ELAPOR2: variants seen among roughly 807,000 people sequenced by gnomAD.
The protein encoded by ELAPOR2 is endosome/lysosome-associated apoptosis and autophagy regulator family member 2.
A neutral mutation model predicts 120.7 loss-of-function variants in ELAPOR2; 89 were observed. The ratio of observed to expected loss-of-function variants is 0.74; its 90% CI spans 0.62 to 0.88. The LOEUF is 0.88. Ranked by LOEUF, ELAPOR2 falls within the 40% of genes least tolerant of loss-of-function variation. The probability of loss-of-function intolerance (pLI) is 0.00; values close to 1 mark genes in which losing one functional copy is unlikely to be tolerated. For missense variants in ELAPOR2, 1,134 were observed against 1,251.6 expected (o/e 0.91, Z 1.42); for synonymous variants, 444 against 444.9 (o/e 1.00, Z 0.03).
intron 1 of ELAPOR2, among the ~76,000 whole-genome samples, chr7:87,058,142 G>GT (rs538374673): frequency 9.3e-4 from 141 of 152,166 alleles, no homozygotes; most frequent in Non-Finnish European, 1.8e-3. Context: ...TTTCATTTCA[G>GT]TCTGTCCTGG....
intron 1 of ELAPOR2, among the ~76,000 whole-genome samples, chr7:86,985,998 T>C (rs1583951642): frequency 1.3e-5 from 2 of 152,126 alleles, no homozygotes; most frequent in Non-Finnish European, 2.9e-5. Flanking sequence ...GGAAAACTGG[T>C]GCAAGACAGG....
Position 86,942,051 on chromosome 7 carries a change from T to C in ELAPOR2, c.708A>G (p.Lys236=). 1 of 1,549,454 alleles carries C rather than the reference T, an allele frequency of 6.5e-7. No homozygotes were observed. Among genetic ancestry groups the C allele is most frequent in the Non-Finnish European group, 8.7e-7 (1 of 1,145,168 alleles). ...AGCCCCATTCTCCATTGTCTGTAAGTTTTACCCACTTGTCAGTGGTGGTGT... is the reference window on the plus strand; with the variant it reads ...AGCCCCATTCTCCATTGTCTGTAAGCTTTACCCACTTGTCAGTGGTGGTGT... ...EMDTTTDKWV[K]LTDNGEWGSH... The change falls in exon 5 of 22, where the codon AAA becomes AAG. Residue 236 remains lysine, a synonymous_variant. Coordinates refer to ENST00000450689, the MANE Select transcript of ELAPOR2 (RefSeq NM_001142749.3).
intron 19 of ELAPOR2, among the ~76,000 whole-genome samples, chr7:86,893,359 T>C (rs988358837): frequency 6.6e-6 from 1 of 151,848 alleles, no homozygotes. Flanking sequence ...CATGGATTGA[T>C]GGATTGCCAC....
intron 21 of ELAPOR2, among the ~76,000 whole-genome samples, chr7:86,882,023 A>C (rs1799435621): frequency 6.6e-6 from 1 of 152,202 alleles, no homozygotes; most frequent in African/African-American, 2.4e-5. Context: ...AAAACATCAT[A>C]GCATACACAC....
chr7:86,944,452 TTAAA>T (rs1343236969), intron 4 of ELAPOR2, among the ~76,000 whole-genome samples: 2 of 152,062 alleles, frequency 1.3e-5, no homozygotes, highest in Non-Finnish European at 2.9e-5. Context: ...ATAAATACAC[TTAAA>T]TAATTTTTGT....
In ELAPOR2 at chr7:86,926,848, C is replaced by A. The variant is rs1395134392; in HGVS notation, c.1158G>T (p.Leu386Phe). The A allele has an allele frequency of 6.5e-7, 1 of 1,544,204 alleles. No homozygotes were observed. Among genetic ancestry groups the A allele is most frequent in the East Asian group, 2.4e-5 (1 of 41,030 alleles). ...AATCCTTCTTCTCTCCAGAAGGGGG[C>A]AATCTAATAGCATCTGTGAGATCCT... ...CREDLTDAIR[L>F]PPSGEKKDCP... The change falls in exon 9 of 22, where the codon TTG becomes TTT. Residue 386 changes from leucine (L) to phenylalanine (F), a missense_variant. Physicochemically the swap from Leu to Phe is conservative, Grantham distance 22 (BLOSUM62 0). Around this residue, in one of 3 missense-constraint regions of ELAPOR2, gnomAD observed 831 missense variants for 867.6 expected, o/e 0.96. Coordinates refer to ENST00000450689, the MANE Select transcript of ELAPOR2 (RefSeq NM_001142749.3).
intron 13 of ELAPOR2, among the ~76,000 whole-genome samples, chr7:86,913,580 A>G (rs1224535250): frequency 6.6e-6 from 1 of 152,188 alleles, no homozygotes; most frequent in Non-Finnish European, 1.5e-5. Context: ...AAATGATACA[A>G]TAGGAGGTTG....
chr7:86,970,831 T>G (rs1390232750), intron 1 of ELAPOR2, among the ~76,000 whole-genome samples: 2 of 152,198 alleles, frequency 1.3e-5, no homozygotes, highest in African/African-American at 4.8e-5. Flanking sequence ...CCACTGTATT[T>G]CTTTTTAGAA....
At chr7:86,997,740 G>C (rs1314114532) in intron 1 of ELAPOR2, among the ~76,000 whole-genome samples, 2 of 152,040 alleles carry the variant, frequency 1.3e-5, no homozygotes, top group African/African-American at 2.4e-5. Flanking sequence ...GGGTATCTTT[G>C]GTTCTGTTCT....
rs1379717696 is a variant in ELAPOR2, at chr7:86,878,552, G to A, written c.*1919C>T. 6.6e-6 allele frequency: 1 copy of A among 152,112 alleles called. No homozygotes were observed. The highest frequency in any genetic ancestry group is 1.5e-5 in the Non-Finnish European group (1 of 68,020). The allele number at this position is 152,112 out of a possible 1,614,324, so 9.4% of individuals were successfully genotyped here. ...CTCTATGGCTTGGAACATACATATTGAACACAGTGGAAGATGAGGAGAAAG... is the reference window on the plus strand; with the variant it reads ...CTCTATGGCTTGGAACATACATATTAAACACAGTGGAAGATGAGGAGAAAG... On this transcript the variant is annotated 3_prime_UTR_variant, in exon 22 of 22. Coordinates refer to ENST00000450689, the MANE Select transcript of ELAPOR2 (RefSeq NM_001142749.3).
chr7:86,900,479 TA>T (rs1788667022), intron 18 of ELAPOR2, among the ~76,000 whole-genome samples: 1 of 152,170 alleles, frequency 6.6e-6, no homozygotes, highest in African/African-American at 2.4e-5. Flanking sequence ...TATAAAAGAC[TA>T]TTAGCAATGC....
chr7:86,994,177 C>G (rs1270562034), intron 1 of ELAPOR2, among the ~76,000 whole-genome samples: 1 of 152,126 alleles, frequency 6.6e-6, no homozygotes, highest in Non-Finnish European at 1.5e-5. Context: ...TGTCATATCC[C>G]TTTACTTTAT....
chr7:87,034,894 C>A (rs1794535560), intron 1 of ELAPOR2, among the ~76,000 whole-genome samples: 1 of 152,058 alleles, frequency 6.6e-6, no homozygotes, highest in African/African-American at 2.4e-5. Context: ...ACCAACCTGG[C>A]CAACATGGTG....
At chr7:86,990,348 G>C (rs1767700) in intron 1 of ELAPOR2, among the ~76,000 whole-genome samples, 1 of 151,780 alleles carries the variant, frequency 6.6e-6, no homozygotes, top group Non-Finnish European at 1.5e-5. Context: ...CGGGTTCTGC[G>C]CTTATGAATG....
At position 86,973,557 on chromosome 7, in the gene ELAPOR2, T is replaced by C. The variant is rs1049901345; in HGVS notation, c.190-8533A>G. Among the ~76,000 whole-genome samples the C allele has an allele frequency of 3.9e-5, 6 of 152,222 alleles. No homozygotes were observed. The South Asian group carries it at 1.2e-3, about 32-fold the overall frequency. On this transcript the variant is annotated intron_variant, in intron 1 of 21. Transcript: ENST00000450689. Reference sequence around the variant, plus strand: ...CCTCCTCAATACCTATCCTGCACCCTGAGAGGTCTGCTTCACATACAAAAG... The same window carrying C: ...CCTCCTCAATACCTATCCTGCACCCCGAGAGGTCTGCTTCACATACAAAAG...
chr7:87,025,227 T>C (rs968621255), intron 1 of ELAPOR2, among the ~76,000 whole-genome samples: 7 of 152,128 alleles, frequency 4.6e-5, no homozygotes, highest in Admixed American at 3.9e-4. Flanking sequence ...CAAGCCCTCT[T>C]GTTGACTATT....
chr7:87,032,046 G>A (rs570859912), intron 1 of ELAPOR2, among the ~76,000 whole-genome samples: 1 of 152,272 alleles, frequency 6.6e-6, no homozygotes, highest in African/African-American at 2.4e-5. Flanking sequence ...GGAAGGGTTA[G>A]ATTACAAAGA....
chr7:87,050,650 T>C (rs184224329), intron 1 of ELAPOR2, among the ~76,000 whole-genome samples: 3 of 152,330 alleles, frequency 2.0e-5, no homozygotes, highest in Admixed American at 1.3e-4. Context: ...CTTGTATTAA[T>C]GAAGCCTTAG....
At chr7:86,886,537 G>T (rs1417885007) in intron 21 of ELAPOR2, among the ~76,000 whole-genome samples, 3 of 152,082 alleles carry the variant, frequency 2.0e-5, no homozygotes, top group African/African-American at 4.8e-5. Context: ...ATGGCTACCA[G>T]CTATAGCCAT....
Sources: allele counts gnomAD v4.1 joint callset (sites outside exome capture counted in the v4.1 genomes callset), GRCh38; gene constraint gnomAD v4.1.1; regional missense constraint gnomAD v4.1.1; transcripts MANE v1.5; gene names NCBI Gene and HGNC (gene_info 2026-07-23, HGNC 2026-07-21).